Variants in MED13L observed in about 807,000 individuals in gnomAD.
MED13L encodes mediator of RNA polymerase II transcription subunit 13-like.
In MED13L, 7 loss-of-function variants were observed where a neutral mutation model predicts 220.9. That is an observed-to-expected ratio of 0.03 (90% CI 0.02 to 0.06). The LOEUF (loss-of-function observed/expected upper bound fraction) is 0.06. Among genes scored for constraint, MED13L ranks in the 10% least tolerant of loss-of-function variants. MED13L has a pLI of 1.00. For missense variants in MED13L, 1,965 were observed against 2,760.5 expected (o/e 0.71, Z 6.46); for synonymous variants, 1,011 against 1,015.2 (o/e 1.00, Z 0.08).
intron 4 of MED13L, among the ~76,000 whole-genome samples, chr12:116,083,849 A>G (rs1417075232): frequency 6.6e-6 from 1 of 152,150 alleles, no homozygotes; most frequent in East Asian, 1.9e-4. Flanking sequence ...AAAATGCCTG[A>G]CGTGTTCAAA....
chr12:116,025,745 G>C (rs1880348920), intron 4 of MED13L, among the ~76,000 whole-genome samples: 2 of 152,238 alleles, frequency 1.3e-5, no homozygotes, highest in Middle Eastern at 3.4e-3. Context: ...AGAGATGGAG[G>C]AGGTTAGCCA....
At chr12:116,268,796 C>G (rs564096161) in intron 1 of MED13L, among the ~76,000 whole-genome samples, 1 of 152,168 alleles carries the variant, frequency 6.6e-6, no homozygotes, top group African/African-American at 2.4e-5. Context: ...TTATTTGAAA[C>G]AAGTCTGTCA....
intron 2 of MED13L, among the ~76,000 whole-genome samples, chr12:116,213,407 TTTGTTTG>T (rs1321042612): frequency 6.6e-6 from 1 of 150,864 alleles, no homozygotes; most frequent in Non-Finnish European, 1.5e-5. Flanking sequence ...AAAGTTTGTT[TTTGTTTG>T]TTTGTTTGTT....
intron 2 of MED13L, among the ~76,000 whole-genome samples, chr12:116,232,330 CAA>C (rs542887161): frequency 6.6e-6 from 1 of 151,514 alleles, no homozygotes; most frequent in African/African-American, 2.4e-5. Context: ...GTCTAATAAT[CAA>C]AAAAAGAGAC....
intron 4 of MED13L, among the ~76,000 whole-genome samples, chr12:116,070,145 G>A (rs140643515): frequency 6.6e-6 from 1 of 152,286 alleles, no homozygotes; most frequent in East Asian, 1.9e-4. Context: ...GCTGCCAGGG[G>A]TCATGTCCAA....
chr12:116,132,522 T>G (rs1263403144), intron 2 of MED13L, among the ~76,000 whole-genome samples: 2 of 152,118 alleles, frequency 1.3e-5, no homozygotes, highest in African/African-American at 4.8e-5. Context: ...AAACTAAGTA[T>G]GCTATTTCCA....
At chr12:116,175,067 A>C (rs1879948513) in intron 2 of MED13L, among the ~76,000 whole-genome samples, 1 of 152,202 alleles carries the variant, frequency 6.6e-6, no homozygotes, top group Non-Finnish European at 1.5e-5. Flanking sequence ...GTCTCCAAAA[A>C]AAGAAAAGAA....
intron 2 of MED13L, among the ~76,000 whole-genome samples, chr12:116,158,233 AACCTAG>A (rs952678734): frequency 1.3e-5 from 2 of 152,038 alleles, no homozygotes; most frequent in Admixed American, 1.3e-4. Context: ...CTTATCTCAA[AACCTAG>A]GATGACTTCA....
At chr12:116,012,987 A>G (rs1386063505) in intron 8 of MED13L, 86 bp from the exon 9 acceptor site, 2 of 931,728 alleles carry the variant, frequency 2.1e-6, no homozygotes, top group Non-Finnish European at 3.5e-6. Context: ...AATACATTTC[A>G]TTCACATAGT....
At chr12:116,072,773 T>C (rs534591095) in intron 4 of MED13L, among the ~76,000 whole-genome samples, 67 of 152,298 alleles carry the variant, frequency 4.4e-4, no homozygotes, top group African/African-American at 1.6e-3. Flanking sequence ...AGAACAGAAA[T>C]CCAAGCACTG....
Position 115,975,063 on chromosome 12 carries a change from CTGTT to C in MED13L, c.5731+104_5731+107del, listed in dbSNP as rs1053851685. 1.3e-4 allele frequency: 147 copies of C among 1,122,578 alleles called. No individual in the cohort carries two copies. In the African/African-American group the frequency reaches 2.0e-3, roughly 15 times the overall value. The allele number at this position is 1,122,578 out of a possible 1,614,324, so 69.5% of individuals were successfully genotyped here. On this transcript the variant is annotated intron_variant, in intron 25 of 30. Transcript: ENST00000281928. ...ATATAAAAGAATCATAAAATAGAAT[CTGTT>C]TAATTCTTACAAATTTAAACATTTT... is the stretch of plus-strand genomic sequence containing the variant.
At chr12:116,034,394 G>A (rs920073414) in intron 4 of MED13L, among the ~76,000 whole-genome samples, 14 of 152,176 alleles carry the variant, frequency 9.2e-5, no homozygotes, top group African/African-American at 2.9e-4. Context: ...CATGAGGTGC[G>A]GAAGAACACA....
chr12:116,096,688 C>T lies in MED13L; in HGVS notation c.460G>A (p.Glu154Lys). 1 of 1,614,006 alleles carries T rather than the reference C, an allele frequency of 6.2e-7. No individual in the cohort carries two copies. The highest frequency in any genetic ancestry group is 8.5e-7 in the Non-Finnish European group (1 of 1,179,946). The change falls in exon 4 of 31, where the codon GAA (glutamate) becomes AAA (lysine). Residue 154 changes from glutamate (E) to lysine (K), a missense_variant. Transcript: ENST00000281928. Reference sequence around the variant, plus strand: ...GCTCACCTTTTGTTGACTGGCTTTTCATCCTTTTCGTAGGGTCGGACAAAC... The same window carrying T: ...GCTCACCTTTTGTTGACTGGCTTTTTATCCTTTTCGTAGGGTCGGACAAAC... Reference protein sequence around the residue: ...KWFVRPYEKDEKPVNKSEHLS... With the variant: ...KWFVRPYEKDKKPVNKSEHLS...
chr12:116,026,986 G>GA (rs1170408368), intron 4 of MED13L, among the ~76,000 whole-genome samples: 1 of 151,726 alleles, frequency 6.6e-6, no homozygotes, highest in Non-Finnish European at 1.5e-5. Flanking sequence ...ACTATTATGA[G>GA]AAAAAAGGAA....
intron 2 of MED13L, among the ~76,000 whole-genome samples, chr12:116,123,859 G>A (rs775360725): frequency 2.6e-5 from 4 of 152,068 alleles, no homozygotes; most frequent in Non-Finnish European, 4.4e-5. Flanking sequence ...ATGGAAACAC[G>A]ATTCATTAGA....
intron 4 of MED13L, among the ~76,000 whole-genome samples, chr12:116,045,741 T>C (rs1881793749): frequency 6.6e-6 from 1 of 152,128 alleles, no homozygotes; most frequent in Admixed American, 6.5e-5. Flanking sequence ...GAGTTGCTAT[T>C]GTATCAGCAG....
intron 2 of MED13L, chr12:116,236,927 A>G (rs190812882): frequency 2.1e-6 from 2 of 953,604 alleles, no homozygotes; most frequent in Admixed American, 6.2e-5. Context: ...CAGAAATAAA[A>G]GCAAAAGAAA....
At chr12:116,190,575 A>G (rs551131414) in intron 2 of MED13L, among the ~76,000 whole-genome samples, 1 of 152,342 alleles carries the variant, frequency 6.6e-6, no homozygotes, top group South Asian at 2.1e-4. Context: ...CCAAAACATT[A>G]CCATTTAGGC....
chr12:116,002,575 C>G (rs1878814211), intron 14 of MED13L, among the ~76,000 whole-genome samples: 1 of 152,088 alleles, frequency 6.6e-6, no homozygotes, highest in African/African-American at 2.4e-5. Context: ...TAGTATGCAT[C>G]TTGAAAAGGA....
Sources: gnomAD v4.1 joint callset for allele counts (sites outside exome capture counted in the v4.1 genomes callset) on GRCh38, gnomAD v4.1.1 for gene constraint, MANE v1.5 for transcripts, NCBI Gene and HGNC (gene_info 2026-07-23, HGNC 2026-07-21) for gene names.